The following TCF7L1 variants were observed in gnomAD, a reference collection of about 807,000 sequenced individuals.
The protein encoded by TCF7L1 is transcription factor 7 like 1.
Under a neutral mutation model 63.7 loss-of-function variants are expected in TCF7L1, and 18 were observed. That is an observed-to-expected ratio of 0.28 (90% confidence interval 0.20 to 0.42). TCF7L1 has a LOEUF of 0.42. TCF7L1 is among the 10% of genes least tolerant of loss of function. The pLI is 1.00. For synonymous variants in TCF7L1, 355 were observed against 340.9 expected (o/e 1.04, Z -0.46); for missense variants, 654 against 779.3 (o/e 0.84, Z 1.91).
chr2:85,305,628 A>C (rs1355302201), intron 8 of TCF7L1, among the ~76,000 whole-genome samples: 1 of 152,082 alleles, frequency 6.6e-6, no homozygotes, highest in African/African-American at 2.4e-5. Flanking sequence ...TATTAAGGAA[A>C]GTTTTACTGT....
chr2:85,251,838 G>A (rs1558646608), intron 3 of TCF7L1, among the ~76,000 whole-genome samples: 1 of 152,150 alleles, frequency 6.6e-6, no homozygotes, highest in African/African-American at 2.4e-5. Context: ...TTTGGGAGGC[G>A]GAAGCAGGCA....
At chr2:85,281,584 G>A (rs1031328374) in intron 3 of TCF7L1, among the ~76,000 whole-genome samples, 4 of 152,194 alleles carry the variant, frequency 2.6e-5, no homozygotes, top group Non-Finnish European at 4.4e-5. Flanking sequence ...TGGTGGGAAG[G>A]GAGGAAGAAG....
chr2:85,305,142 G>C, intron 7 of TCF7L1, 118 bp from the exon 8 acceptor site: 1 of 1,384,058 alleles, frequency 7.2e-7, no homozygotes, highest in East Asian at 2.3e-5. Context: ...CTAGTCCTGA[G>C]ACTCTGCCCC....
intron 4 of TCF7L1, among the ~76,000 whole-genome samples, chr2:85,296,847 G>A (rs1681846944): frequency 6.6e-6 from 1 of 152,200 alleles, no homozygotes; most frequent in Non-Finnish European, 1.5e-5. Context: ...TCTACAAATA[G>A]TGTTTCTAAA....
At chr2:85,276,589 G>A (rs187497752) in intron 3 of TCF7L1, among the ~76,000 whole-genome samples, 90 of 151,914 alleles carry the variant, frequency 5.9e-4, no homozygotes, top group Middle Eastern at 3.4e-3. Flanking sequence ...CCTGGACTAC[G>A]GCAAATCCTA....
At chr2:85,290,932 C>T (rs142358081) in intron 4 of TCF7L1, among the ~76,000 whole-genome samples, 400 of 152,352 alleles carry the variant, frequency 2.6e-3, no homozygotes, top group Non-Finnish European at 4.2e-3. Context: ...AGGCCCTGGG[C>T]GGCAGCCACA....
chr2:85,172,068 T>A (rs571609786), intron 3 of TCF7L1, among the ~76,000 whole-genome samples: 1 of 152,228 alleles, frequency 6.6e-6, no homozygotes, highest in African/African-American at 2.4e-5. Context: ...CCCCGAGGCC[T>A]GTTTGAAATA....
At chr2:85,160,495 G>A (rs1678260077) in intron 3 of TCF7L1, among the ~76,000 whole-genome samples, 1 of 152,164 alleles carries the variant, frequency 6.6e-6, no homozygotes, top group South Asian at 2.1e-4. Flanking sequence ...AAAGTGCCGG[G>A]ATTGCAGGTG....
At position 85,133,939 on chromosome 2, in the gene TCF7L1, G is replaced by C. The variant is rs369880342; in HGVS notation, c.249+6G>C. ...GCAGCAGCTCGGACTCGGAGGTAAG[G>C]AAGCACCGCGGCCACCCCCGGGGGA... On this transcript the variant is annotated splice_donor_region_variant and intron_variant, in intron 1 of 11. Coordinates refer to ENST00000282111, the MANE Select transcript of TCF7L1 (RefSeq NM_031283.3). The surrounding 1 kb of genome is among the most constrained non-coding windows in gnomAD (Gnocchi z 4.4). 1 of 1,543,736 alleles carries C rather than the reference G, an allele frequency of 6.5e-7. No homozygotes were observed. Among genetic ancestry groups the C allele is most frequent in the Non-Finnish European group, 8.8e-7 (1 of 1,141,070 alleles).
intron 3 of TCF7L1, among the ~76,000 whole-genome samples, chr2:85,135,410 A>T (rs1435662433): frequency 1.3e-5 from 2 of 152,110 alleles, no homozygotes; most frequent in Admixed American, 1.3e-4. Flanking sequence ...GCGCGATGTG[A>T]ATCGTAGTAG....
intron 3 of TCF7L1, among the ~76,000 whole-genome samples, chr2:85,186,199 C>G (rs1330612092): frequency 6.6e-6 from 1 of 152,092 alleles, no homozygotes; most frequent in Non-Finnish European, 1.5e-5. Flanking sequence ...AATCTCCTGA[C>G]CTCGTGATCC....
chr2:85,152,425 T>TTC (rs201051651), intron 3 of TCF7L1, among the ~76,000 whole-genome samples: 4 of 143,928 alleles, frequency 2.8e-5, no homozygotes, highest in African/African-American at 7.8e-5. Context: ...GGATATACCA[T>TTC]TCTCTCTCTC....
At chr2:85,275,767 T>C (rs1266530858) in intron 3 of TCF7L1, among the ~76,000 whole-genome samples, 1 of 151,654 alleles carries the variant, frequency 6.6e-6, no homozygotes, top group African/African-American at 2.4e-5. Context: ...AAAACTACAA[T>C]AAATTAGCCA....
chr2:85,238,718 G>T (rs1005672902), intron 3 of TCF7L1, among the ~76,000 whole-genome samples: 1 of 152,106 alleles, frequency 6.6e-6, no homozygotes, highest in African/African-American at 2.4e-5. Flanking sequence ...GCAGCACAGT[G>T]GGGTAGTATC....
At chr2:85,173,247 T>C (rs1678595380) in intron 3 of TCF7L1, among the ~76,000 whole-genome samples, 1 of 151,940 alleles carries the variant, frequency 6.6e-6, no homozygotes, top group African/African-American at 2.4e-5. Flanking sequence ...CTATTCATTC[T>C]GAGCATTGGC....
At chr2:85,190,579 A>G (rs950440679) in intron 3 of TCF7L1, among the ~76,000 whole-genome samples, 2 of 152,204 alleles carry the variant, frequency 1.3e-5, no homozygotes, top group Non-Finnish European at 2.9e-5. Flanking sequence ...CTGGCACCTG[A>G]TGACTGACCT....
At chr2:85,140,355 G>A (rs1208325454) in intron 3 of TCF7L1, among the ~76,000 whole-genome samples, 1 of 152,208 alleles carries the variant, frequency 6.6e-6, no homozygotes, top group Non-Finnish European at 1.5e-5. Flanking sequence ...ACTGGCTGAT[G>A]TAAGAGAGGT....
intron 3 of TCF7L1, among the ~76,000 whole-genome samples, chr2:85,245,785 G>A (rs1228560872): frequency 3.3e-5 from 5 of 151,298 alleles, no homozygotes; most frequent in South Asian, 2.1e-4. Context: ...ACTGCATTCC[G>A]GCCTGGGCAA....
In TCF7L1 at chr2:85,309,432, T is replaced by G; in HGVS notation, c.1737T>G (p.Pro579=). The part of the protein sequence containing the change: ...HQALPVLQAQ[P]LSLVTKSAH ...CCCTCCCGGTGCTACAGGCCCAGCC[T>G]CTTTCCCTGGTCACCAAGTCTGCCC... The change falls in exon 12 of 12, where the codon CCT becomes CCG. Residue 579 remains proline, a synonymous_variant. Transcript: ENST00000282111. 1 of 1,543,254 alleles carries G rather than the reference T, an allele frequency of 6.5e-7. No individual in the cohort carries two copies. The highest frequency in any genetic ancestry group is 1.3e-5 in the South Asian group (1 of 79,664).
Sources: allele counts gnomAD v4.1 joint callset (sites outside exome capture counted in the v4.1 genomes callset), GRCh38; gene constraint gnomAD v4.1.1; non-coding constraint Gnocchi (gnomAD v3.1); transcripts MANE v1.5; gene names NCBI Gene and HGNC (gene_info 2026-07-23, HGNC 2026-07-21).